The following MTUS2 variants were observed in gnomAD, a reference collection of about 807,000 sequenced individuals.
MTUS2 encodes the protein microtubule-associated tumor suppressor candidate 2.
MTUS2 carries 40 observed loss-of-function variants against 114.1 expected under a neutral mutation model. The ratio of observed to expected loss-of-function variants is 0.35; its 90% CI spans 0.27 to 0.46. The LOEUF (loss-of-function observed/expected upper bound fraction) is 0.46. Among genes scored for constraint, MTUS2 ranks in the 20% least tolerant of loss-of-function variants. The pLI, the probability that MTUS2 is intolerant of heterozygous loss-of-function variation, is 1.00. For missense variants in MTUS2, 1,679 were observed against 1,705.4 expected (o/e 0.98, Z 0.27); for synonymous variants, 688 against 672.0 (o/e 1.02, Z -0.37).
intron 2 of MTUS2, among the ~76,000 whole-genome samples, chr13:28,959,727 G>A (rs1883234970): frequency 6.6e-6 from 1 of 152,104 alleles, no homozygotes; most frequent in South Asian, 2.1e-4. Context: ...TTATTGCTAG[G>A]TCAGGACCAA....
chr13:29,463,637 G>A (rs1000933384), intron 9 of MTUS2, among the ~76,000 whole-genome samples: 1 of 152,000 alleles, frequency 6.6e-6, no homozygotes, highest in Admixed American at 6.6e-5. Flanking sequence ...TCAATCCCAG[G>A]TGCTCTGCCT....
At chr13:28,842,182 A>G (rs1421104544) in intron 2 of MTUS2, among the ~76,000 whole-genome samples, 2 of 152,074 alleles carry the variant, frequency 1.3e-5, no homozygotes, top group Non-Finnish European at 2.9e-5. Flanking sequence ...CAACACACAA[A>G]TGATCTATGT....
At chr13:29,497,186 T>A in intron 12 of MTUS2, 52 bp from the exon 13 acceptor site, 1 of 1,501,092 alleles carries the variant, frequency 6.7e-7, no homozygotes, top group Non-Finnish European at 9.3e-7. Flanking sequence ...CAGGCTGTGG[T>A]GGCTGCTGTC....
chr13:29,057,576 C>G lies in MTUS2; in HGVS notation c.2446+23451C>G, dbSNP rs527749087. Among the ~76,000 whole-genome samples, 3 of 152,218 alleles carry G rather than the reference C, an allele frequency of 2.0e-5. No individual in the cohort carries two copies. The East Asian group carries it at 5.8e-4, about 29-fold the overall frequency. On this transcript the variant is annotated intron_variant, in intron 4 of 15. Transcript: ENST00000612955. ...GACCTTCTTTTTCTGTTTTTGATCA[C>G]TGTTGGCTTAAAGTCTGTTTTGCCT...
At chr13:29,051,418 A>G (rs1211562109) in intron 4 of MTUS2, among the ~76,000 whole-genome samples, 2 of 152,118 alleles carry the variant, frequency 1.3e-5, no homozygotes, top group African/African-American at 2.4e-5. Flanking sequence ...ATTCTTGTGG[A>G]GTTTTCACAG....
At chr13:28,869,481 A>G (rs1475788276) in intron 2 of MTUS2, among the ~76,000 whole-genome samples, 1 of 152,226 alleles carries the variant, frequency 6.6e-6, no homozygotes, top group Non-Finnish European at 1.5e-5. Context: ...TGTTAAAAGT[A>G]GGTAGTAAAG....
At chr13:28,950,669 CAT>C (rs1362793213) in intron 2 of MTUS2, among the ~76,000 whole-genome samples, 1 of 152,192 alleles carries the variant, frequency 6.6e-6, no homozygotes, top group African/African-American at 2.4e-5. Flanking sequence ...TCAGAACAAA[CAT>C]ATTTATCAAT....
intron 3 of MTUS2, among the ~76,000 whole-genome samples, chr13:29,031,519 T>G (rs1886829687): frequency 6.6e-6 from 1 of 151,746 alleles, no homozygotes; most frequent in Non-Finnish European, 1.5e-5. Flanking sequence ...GCCTGGAGAC[T>G]TAGGGTAGAG....
chr13:29,197,327 T>C (rs1167189234), intron 5 of MTUS2, among the ~76,000 whole-genome samples: 1 of 152,134 alleles, frequency 6.6e-6, no homozygotes, highest in Admixed American at 6.5e-5. Context: ...GGTGGTTGGT[T>C]TTCTGTTCCT....
In MTUS2 at chr13:29,236,251, T is replaced by A. The variant is rs188353961; in HGVS notation, c.2645-45453T>A. ...TCTTCTGTTGAGCACTTACTTCATT[T>A]ATTTTATTGTCTCTTAGCACAGTAG... On this transcript the variant is annotated intron_variant, in intron 5 of 15. Transcript: ENST00000612955. 2.4e-3 allele frequency among the ~76,000 whole-genome samples: 361 copies of A among 152,336 alleles called. 2 individuals carry two copies. The highest frequency in any genetic ancestry group is 5.8e-3 in the Admixed American group (89 of 15,304).
At chr13:28,960,950 A>G (rs1013317730) in intron 2 of MTUS2, among the ~76,000 whole-genome samples, 1 of 152,198 alleles carries the variant, frequency 6.6e-6, no homozygotes, top group African/African-American at 2.4e-5. Context: ...TGGATGATAT[A>G]AAGAAAAACC....
intron 5 of MTUS2, among the ~76,000 whole-genome samples, chr13:29,137,938 A>C (rs1050678646): frequency 5.3e-5 from 8 of 152,196 alleles, no homozygotes; most frequent in African/African-American, 9.7e-5. Context: ...TGAAAGAAAA[A>C]GGCATTGGCC....
intron 2 of MTUS2, among the ~76,000 whole-genome samples, chr13:28,995,771 G>T (rs2138357329): frequency 6.6e-6 from 1 of 152,250 alleles, no homozygotes; most frequent in East Asian, 1.9e-4. Flanking sequence ...TGCTGAAGTT[G>T]CCTATCAGCT....
chr13:29,152,528 TCAGA>T (rs1206340598), intron 5 of MTUS2, among the ~76,000 whole-genome samples: 1 of 152,136 alleles, frequency 6.6e-6, no homozygotes, highest in Non-Finnish European at 1.5e-5. Context: ...TTGTAAGCTG[TCAGA>T]CAGGGCAGTG....
At chr13:29,410,993 G>A (rs1225695593) in intron 8 of MTUS2, among the ~76,000 whole-genome samples, 1 of 152,028 alleles carries the variant, frequency 6.6e-6, no homozygotes, top group Non-Finnish European at 1.5e-5. Context: ...CACCACACCC[G>A]GCTAATTTTT....
At chr13:29,443,807 A>G (rs532252401) in intron 9 of MTUS2, among the ~76,000 whole-genome samples, 1 of 152,198 alleles carries the variant, frequency 6.6e-6, no homozygotes, top group East Asian at 1.9e-4. Flanking sequence ...TCCCCTTAGC[A>G]CCAGTCCTGT....
chr13:29,157,029 A>G (rs2139060837), intron 5 of MTUS2, among the ~76,000 whole-genome samples: 1 of 152,324 alleles, frequency 6.6e-6, no homozygotes, highest in South Asian at 2.1e-4. Flanking sequence ...AACTCGTTCA[A>G]CATTTATAAG....
chr13:29,125,475 A>G (rs187781446), intron 5 of MTUS2, among the ~76,000 whole-genome samples: 25 of 152,372 alleles, frequency 1.6e-4, no homozygotes, highest in African/African-American at 6.0e-4. Context: ...AAATGAAAGA[A>G]GAAACGTTGA....
At chr13:28,958,761 T>G (rs1213920713) in intron 2 of MTUS2, among the ~76,000 whole-genome samples, 1 of 152,122 alleles carries the variant, frequency 6.6e-6, no homozygotes, top group East Asian at 1.9e-4. Flanking sequence ...AAGTGAATCT[T>G]TTGGAATAAA....
Sources: gnomAD v4.1 joint callset for allele counts (sites outside exome capture counted in the v4.1 genomes callset) on GRCh38, gnomAD v4.1.1 for gene constraint, MANE v1.5 for transcripts, NCBI Gene and HGNC (gene_info 2026-07-23, HGNC 2026-07-21) for gene names.